Variants in TXNDC16 observed in about 807,000 individuals in gnomAD.
TXNDC16 encodes thioredoxin domain containing 16, also known as thioredoxin domain-containing protein 16.
In TXNDC16, 74 loss-of-function variants were observed where a neutral mutation model predicts 85.6. The observed-to-expected ratio is 0.86, with a 90% CI of 0.72 to 1.05. The LOEUF is 1.05. Ranked by LOEUF, TXNDC16 falls within the 50% of genes least tolerant of loss-of-function variation. The pLI is 0.00. For missense variants in TXNDC16, 959 were observed against 947.0 expected (o/e 1.01, Z -0.17); for synonymous variants, 335 against 326.5 (o/e 1.03, Z -0.28).
intron 11 of TXNDC16, among the ~76,000 whole-genome samples, chr14:52,488,806 C>T (rs527933223): frequency 7.4e-6 from 1 of 134,608 alleles, no homozygotes; most frequent in East Asian, 2.3e-4. Context: ...CACACTCCAG[C>T]CTGGGCGACA....
At chr14:52,509,656 T>C (rs1244755472) in intron 9 of TXNDC16, among the ~76,000 whole-genome samples, 1 of 149,874 alleles carries the variant, frequency 6.7e-6, no homozygotes, top group Non-Finnish European at 1.5e-5. Context: ...AATAAAAAAA[T>C]TAAAAAATGG....
At chr14:52,537,941 A>G (rs1042917016) in intron 4 of TXNDC16, among the ~76,000 whole-genome samples, 2 of 152,358 alleles carry the variant, frequency 1.3e-5, no homozygotes, top group Middle Eastern at 3.4e-3. Flanking sequence ...CAAGACAAAA[A>G]GTATGAGCAA....
intron 4 of TXNDC16, among the ~76,000 whole-genome samples, chr14:52,539,159 A>G (rs2140225509): frequency 6.6e-6 from 1 of 152,322 alleles, no homozygotes; most frequent in South Asian, 2.1e-4. Flanking sequence ...ACTAATTAAT[A>G]TGTAGTGTTA....
At chr14:52,446,029 C>T (rs1230631233) in intron 18 of TXNDC16, among the ~76,000 whole-genome samples, 1 of 152,198 alleles carries the variant, frequency 6.6e-6, no homozygotes, top group Non-Finnish European at 1.5e-5. Flanking sequence ...CTCTACCAGT[C>T]ATCCCCTCTT....
rs1310074667 is a variant in TXNDC16, at chr14:52,470,100, T to C, written c.1555A>G (p.Lys519Glu). ...ACACTAGAATACAAGATGAGGTCTT[T>C]ATATAATTCCCCACTTAAATATTCT... Reference protein sequence around the residue: ...AEEYLSGELYKDLILYSSVSV... With the variant: ...AEEYLSGELYEDLILYSSVSV... The change falls in exon 16 of 21, where the codon AAA (lysine) becomes GAA (glutamate). Residue 519 changes from lysine to glutamate, a missense_variant. Physicochemically the swap from Lys to Glu is moderately conservative, Grantham distance 56. Transcript: ENST00000281741. 5 of 1,611,194 alleles carry C rather than the reference T, an allele frequency of 3.1e-6. No homozygotes were observed. Among genetic ancestry groups the C allele is most frequent in the Non-Finnish European group, 4.2e-6 (5 of 1,178,452 alleles).
chr14:52,530,002 AAT>A (rs1334866771), intron 6 of TXNDC16, among the ~76,000 whole-genome samples: 1 of 104,100 alleles, frequency 9.6e-6, no homozygotes, highest in Non-Finnish European at 1.7e-5. Context: ...TCATATATAT[AAT>A]ATATATTATA....
chr14:52,495,653 C>T (rs1309547591), intron 9 of TXNDC16, among the ~76,000 whole-genome samples: 12 of 152,108 alleles, frequency 7.9e-5, no homozygotes, highest in Non-Finnish European at 1.5e-4. Context: ...ATTACTGCAG[C>T]GGTAGTCTGC....
At chr14:52,484,703 AAC>A (rs1486354285) in intron 12 of TXNDC16, among the ~76,000 whole-genome samples, 3 of 152,106 alleles carry the variant, frequency 2.0e-5, no homozygotes, top group Non-Finnish European at 4.4e-5. Flanking sequence ...AATATGGTGA[AAC>A]CCCGTCTCTA....
chr14:52,439,380 A>G lies in TXNDC16; in HGVS notation c.2018T>C (p.Val673Ala), dbSNP rs1458178631. ...ATATGCCCTCAAGATTCCTCTCCCC[A>G]CTGGAGTATTCTTTCTGCAAAAGGG... ...PCWLNLKNTP[V>A]GRGILRAYFD... Residue 673 changes from valine to alanine, a missense_variant, in exon 20 of 21, where the codon GTG (valine) becomes GCG (alanine). Val to Ala is a moderately conservative substitution (Grantham distance 64). Coordinates refer to ENST00000281741, the MANE Select transcript of TXNDC16 (RefSeq NM_020784.3). The G allele has an allele frequency of 1.2e-6, 2 of 1,613,400 alleles. No homozygotes were observed. Among genetic ancestry groups the G allele is most frequent in the South Asian group, 2.2e-5 (2 of 90,976 alleles).
chr14:52,480,372 G>A (rs540090095), intron 14 of TXNDC16, among the ~76,000 whole-genome samples: 1 of 152,180 alleles, frequency 6.6e-6, no homozygotes, highest in Admixed American at 6.5e-5. Context: ...CAGTCCAGCA[G>A]AGTAAACAGA....
At chr14:52,523,269 A>G (rs376651527) in intron 6 of TXNDC16, among the ~76,000 whole-genome samples, 10 of 152,164 alleles carry the variant, frequency 6.6e-5, no homozygotes, top group African/African-American at 2.4e-4. Context: ...TTTCTTTGGC[A>G]TGCTTTTCCT....
Position 52,432,119 on chromosome 14 carries a change from G to T in TXNDC16, c.*185C>A. On this transcript the variant is annotated 3_prime_UTR_variant, in exon 21 of 21. Coordinates refer to ENST00000281741, the MANE Select transcript of TXNDC16 (RefSeq NM_020784.3). Reference sequence around the variant, plus strand: ...TGAAAAGTAATATCAAAATTATTTTGCCCTGCTCACTTTTACTTTGTTTAA... The same window carrying T: ...TGAAAAGTAATATCAAAATTATTTTTCCCTGCTCACTTTTACTTTGTTTAA... 1 of 464,714 alleles carries T rather than the reference G, an allele frequency of 2.2e-6. No individual in the cohort carries two copies. Among genetic ancestry groups the T allele is most frequent in the Non-Finnish European group, 3.6e-6 (1 of 277,362 alleles). The allele number at this position is 464,714 out of a possible 1,614,324, so 28.8% of individuals were successfully genotyped here. A position where few individuals can be genotyped will look rare whatever the true frequency, so the allele number is the denominator to read the frequency against.
intron 9 of TXNDC16, among the ~76,000 whole-genome samples, chr14:52,496,162 A>C (rs2140161210): frequency 1.3e-5 from 2 of 151,412 alleles, no homozygotes; most frequent in Middle Eastern, 3.4e-3. Flanking sequence ...TCCATCTCAA[A>C]AAAAAAAAAA....
In TXNDC16 at chr14:52,519,210, T is replaced by C. The variant is rs1355518782; in HGVS notation, c.476A>G (p.Asn159Ser). 6.2e-7 allele frequency: 1 copy of C among 1,611,818 alleles called. No homozygotes were observed. Among genetic ancestry groups the C allele is most frequent in the African/African-American group, 1.3e-5 (1 of 74,976 alleles). ...NIENALKGKA[N>S]IIFSYVRAIG... ...GGCTCTTACATATGAGAATATAATATTTGCTTTTCCTTTCAGAGCATTTTC... is the reference window on the plus strand; with the variant it reads ...GGCTCTTACATATGAGAATATAATACTTGCTTTTCCTTTCAGAGCATTTTC... The change falls in exon 7 of 21, where the codon AAT (asparagine) becomes AGT (serine). Residue 159 changes from asparagine (N) to serine (S), a missense_variant. Transcript: ENST00000281741.
At chr14:52,441,877 G>T (rs1399170519) in intron 18 of TXNDC16, among the ~76,000 whole-genome samples, 1 of 152,052 alleles carries the variant, frequency 6.6e-6, no homozygotes, top group Non-Finnish European at 1.5e-5. Context: ...AATATTAGCA[G>T]TAATGACTGT....
At chr14:52,542,298 GA>G in intron 4 of TXNDC16, 72 bp downstream of exon 4, 1 of 947,392 alleles carries the variant, frequency 1.1e-6, no homozygotes, top group Non-Finnish European at 1.6e-6. Flanking sequence ...AGTATTTTAA[GA>G]TATTCAATCT....
chr14:52,506,588 C>T (rs1302509451), intron 9 of TXNDC16, among the ~76,000 whole-genome samples: 4 of 108,932 alleles, frequency 3.7e-5, no homozygotes, highest in African/African-American at 7.5e-5. Context: ...CTCGCTCTGT[C>T]GCCCAGGCCA....
chr14:52,472,565 A>C (rs1401073024), intron 14 of TXNDC16, among the ~76,000 whole-genome samples: 1 of 152,202 alleles, frequency 6.6e-6, no homozygotes, highest in Admixed American at 6.5e-5. Context: ...TGTACCCAGT[A>C]AAAATGTGTA....
intron 8 of TXNDC16, among the ~76,000 whole-genome samples, chr14:52,513,890 A>G (rs770720371): frequency 1.8e-4 from 27 of 152,128 alleles, no homozygotes; most frequent in Non-Finnish European, 2.9e-4. Flanking sequence ...CGGGGCTAGC[A>G]TGCAATCACT....
Sources: gnomAD v4.1 joint callset for allele counts (sites outside exome capture counted in the v4.1 genomes callset) on GRCh38, gnomAD v4.1.1 for gene constraint, MANE v1.5 for transcripts, NCBI Gene and HGNC (gene_info 2026-07-23, HGNC 2026-07-21) for gene names.